Variants in BNC2 observed in about 807,000 individuals in gnomAD.
BNC2 encodes zinc finger protein basonuclin-2.
BNC2 carries 20 observed loss-of-function variants against 76.3 expected under a neutral mutation model. That is an observed-to-expected ratio of 0.26 (90% CI 0.18 to 0.38). The LOEUF is 0.38. Among genes scored for constraint, BNC2 ranks in the 10% least tolerant of loss-of-function variants. The pLI is 1.00. For missense variants in BNC2, 1,382 were observed against 1,399.8 expected (o/e 0.99, Z 0.20); for synonymous variants, 582 against 514.8 (o/e 1.13, Z -1.77).
chr9:16,670,887 T>C (rs1010249964), intron 3 of BNC2, among the ~76,000 whole-genome samples: 2 of 152,192 alleles, frequency 1.3e-5, no homozygotes, highest in African/African-American at 4.8e-5. Context: ...CTGTCACGTC[T>C]CTTATTCTAG....
At chr9:16,721,430 T>C (rs1421721185) in intron 3 of BNC2, among the ~76,000 whole-genome samples, 1 of 152,088 alleles carries the variant, frequency 6.6e-6, no homozygotes, top group Non-Finnish European at 1.5e-5. Flanking sequence ...CCCAGCAAAA[T>C]GTAGAAGCCA....
At chr9:16,666,109 T>C (rs1192991605) in intron 3 of BNC2, among the ~76,000 whole-genome samples, 1 of 152,252 alleles carries the variant, frequency 6.6e-6, no homozygotes, top group African/African-American at 2.4e-5. Flanking sequence ...ATTTCTTGTA[T>C]AAAATTTGAA....
intron 1 of BNC2, among the ~76,000 whole-genome samples, chr9:16,768,867 C>T (rs114882560): frequency 2.1e-3 from 315 of 152,212 alleles, no homozygotes; most frequent in African/African-American, 6.8e-3. Context: ...TGAATTTAAA[C>T]AGGGTTCAGA....
intron 1 of BNC2, among the ~76,000 whole-genome samples, chr9:16,832,850 C>T (rs564083719): frequency 9.9e-5 from 15 of 152,024 alleles, no homozygotes; most frequent in African/African-American, 2.9e-4. Flanking sequence ...CTCAGCCTGC[C>T]GAGTAGCTGG....
intron 3 of BNC2, among the ~76,000 whole-genome samples, chr9:16,712,284 A>C (rs747187428): frequency 1.3e-5 from 2 of 152,220 alleles, no homozygotes; most frequent in Non-Finnish European, 2.9e-5. Context: ...GTAAATTGTG[A>C]GTAGATTTAA....
At chr9:16,784,190 C>G (rs1826221758) in intron 1 of BNC2, among the ~76,000 whole-genome samples, 1 of 152,138 alleles carries the variant, frequency 6.6e-6, no homozygotes, top group South Asian at 2.1e-4. Context: ...GAGCACAGTC[C>G]CAGCCCTGGA....
At chr9:16,816,915 T>A (rs562571676) in intron 1 of BNC2, among the ~76,000 whole-genome samples, 1 of 152,318 alleles carries the variant, frequency 6.6e-6, no homozygotes, top group South Asian at 2.1e-4. Context: ...TCAAGTGATC[T>A]CATCTGCCAG....
chr9:16,788,556 A>G (rs1826374804), intron 1 of BNC2, among the ~76,000 whole-genome samples: 1 of 150,828 alleles, frequency 6.6e-6, no homozygotes, highest in Non-Finnish European at 1.5e-5. Flanking sequence ...CCTTCTCAAA[A>G]AAAAAAAAAA....
At chr9:16,848,528 A>C (rs59057888) in intron 1 of BNC2, among the ~76,000 whole-genome samples, 20,329 of 152,196 alleles carry the variant, frequency 0.13, 1,834 homozygotes, top group African/African-American at 0.25. Context: ...AAGACAGCAC[A>C]AACAGTCCCT....
At chr9:16,735,160 T>C (rs1027167031) in intron 2 of BNC2, among the ~76,000 whole-genome samples, 1 of 152,164 alleles carries the variant, frequency 6.6e-6, no homozygotes, top group African/African-American at 2.4e-5. Context: ...TGATGAATCC[T>C]TAGACTCAAG....
At chr9:16,860,181 G>C (rs1027553585) in intron 1 of BNC2, among the ~76,000 whole-genome samples, 8 of 151,654 alleles carry the variant, frequency 5.3e-5, no homozygotes, top group African/African-American at 1.9e-4. Flanking sequence ...AATCCAAATT[G>C]CTTTTTAAAA....
chr9:16,860,697 A>G (rs1016402164), intron 1 of BNC2, among the ~76,000 whole-genome samples: 1 of 152,218 alleles, frequency 6.6e-6, no homozygotes, highest in African/African-American at 2.4e-5. Flanking sequence ...AAATTGATAA[A>G]TTAGACTTCA....
intron 5 of BNC2, among the ~76,000 whole-genome samples, chr9:16,536,115 C>G (rs950079507): frequency 1.3e-5 from 2 of 152,040 alleles, no homozygotes; most frequent in Admixed American, 1.3e-4. Flanking sequence ...GAATTTAAAC[C>G]ACTATTAATA....
intron 1 of BNC2, among the ~76,000 whole-genome samples, chr9:16,785,063 G>A (rs1422095621): frequency 1.3e-5 from 2 of 152,164 alleles, no homozygotes; most frequent in Non-Finnish European, 2.9e-5. Context: ...ATTTTATAAA[G>A]ACAGCTTCCA....
At chr9:16,660,161 A>C (rs1188345955) in intron 3 of BNC2, among the ~76,000 whole-genome samples, 1 of 152,192 alleles carries the variant, frequency 6.6e-6, no homozygotes, top group Non-Finnish European at 1.5e-5. Context: ...CTTGAAAATT[A>C]CACATCTTTG....
chr9:16,471,657 G>A (rs1378715033), intron 5 of BNC2, among the ~76,000 whole-genome samples: 1 of 152,294 alleles, frequency 6.6e-6, no homozygotes, highest in East Asian at 1.9e-4. Context: ...ATGAGACTTT[G>A]GACTGTGGAC....
intron 1 of BNC2, among the ~76,000 whole-genome samples, chr9:16,781,331 CT>C (rs1826149108): frequency 6.6e-6 from 1 of 151,862 alleles, no homozygotes; most frequent in Non-Finnish European, 1.5e-5. Flanking sequence ...AAGGCTATAA[CT>C]TTATTATTAT....
chr9:16,439,486 G>A (rs947581622), intron 5 of BNC2, among the ~76,000 whole-genome samples: 1 of 152,186 alleles, frequency 6.6e-6, no homozygotes, highest in South Asian at 2.1e-4. Flanking sequence ...AAAGTCTCTA[G>A]ATTAGCTAGT....
intron 4 of BNC2, 124 bp from the exon 5 acceptor site, chr9:16,552,889 A>T (rs527526190): frequency 1.3e-6 from 1 of 755,870 alleles, no homozygotes; most frequent in East Asian, 2.7e-5. Context: ...AATGTTCGCC[A>T]TAGGTGTTTA....
Sources: gnomAD v4.1 joint callset for allele counts (sites outside exome capture counted in the v4.1 genomes callset) on GRCh38, gnomAD v4.1.1 for gene constraint, MANE v1.5 for transcripts, NCBI Gene and HGNC (gene_info 2026-07-23, HGNC 2026-07-21) for gene names.